Variants in ZNF83 observed in about 807,000 individuals in gnomAD.
ZNF83 encodes zinc finger protein 816B.
For missense variants in ZNF83, 552 were observed against 629.9 expected, an observed-to-expected ratio of 0.88 and a Z score of 1.32; for synonymous variants, 209 against 213.0, an observed-to-expected ratio of 0.98 and a Z score of 0.17.
At chr19:52,634,538 T>C (rs193230392) in intron 2 of ZNF83, among the ~76,000 whole-genome samples, 1 of 152,230 alleles carries the variant, frequency 6.6e-6, no homozygotes, top group East Asian at 1.9e-4. Flanking sequence ...TGCATGTCTG[T>C]GTATGAACTT....
chr19:52,653,275 G>A, intron 3 of ZNF83: 1 of 1,468,822 alleles, frequency 6.8e-7, no homozygotes. Flanking sequence ...TGCAAGGTGT[G>A]CTTTTTGATT....
chr19:52,682,539 T>C lies in ZNF83; in HGVS notation c.-283+7904A>G, dbSNP rs190027937. Among the ~76,000 whole-genome samples the C allele has an allele frequency of 2.3e-3, 347 of 152,050 alleles. 1 individual carries two copies. Among genetic ancestry groups the C allele is most frequent in the African/African-American group, 7.8e-3 (325 of 41,468 alleles). ...CACAAAAATTACCCAGGCATGGCAG[T>C]GCATACCTGTAGTCCCAGCTACTCA... is the stretch of plus-strand genomic sequence containing the variant. On this transcript the variant is annotated intron_variant, in intron 1 of 5. Transcript: ENST00000594682.
chr19:52,647,625 A>C (rs948750260), intron 3 of ZNF83, among the ~76,000 whole-genome samples: 9 of 148,308 alleles, frequency 6.1e-5, no homozygotes, highest in Non-Finnish European at 1.2e-4. Flanking sequence ...TTCTGTAAAT[A>C]TCTCTCATTC....
intron 3 of ZNF83, chr19:52,653,164 T>C: frequency 6.7e-7 from 1 of 1,490,508 alleles, no homozygotes; most frequent in South Asian, 1.1e-5. Flanking sequence ...TTCTCCGGTA[T>C]GAAGTCTACG....
chr19:52,655,695 T>C, intron 2 of ZNF83: 1 of 1,020,980 alleles, frequency 9.8e-7, no homozygotes, highest in South Asian at 1.3e-5. Flanking sequence ...TCCCTAAAAT[T>C]AAACACACAT....
At chr19:52,612,684 TCA>T (rs1470886426) in exon 3 of ZNF83, 4 of 279,802 alleles carry the variant, frequency 1.4e-5, no homozygotes, top group Admixed American at 4.7e-5. Context: ...TTTCCCACTC[TCA>T]GTGTTTTTGT....
chr19:52,667,131 T>C (rs1328305853), intron 1 of ZNF83, among the ~76,000 whole-genome samples: 2 of 151,534 alleles, frequency 1.3e-5, no homozygotes, highest in Non-Finnish European at 2.9e-5. Flanking sequence ...CATTGTAACA[T>C]GTATTATCCT....
At chr19:52,654,446 T>C (rs1278009146) in intron 3 of ZNF83, 6 of 768,834 alleles carry the variant, frequency 7.8e-6, no homozygotes, top group Non-Finnish European at 1.2e-5. Flanking sequence ...TAAGTACAGA[T>C]GGTAAATAAT....
At chr19:52,667,935 A>G (rs1208467335) in intron 1 of ZNF83, among the ~76,000 whole-genome samples, 1 of 152,200 alleles carries the variant, frequency 6.6e-6, no homozygotes, top group African/African-American at 2.4e-5. Context: ...ATAAAATGGT[A>G]TTTGGCTTTC....
At chr19:52,637,929 C>G (rs2061206874) in intron 1 of ZNF83, among the ~76,000 whole-genome samples, 1 of 152,176 alleles carries the variant, frequency 6.6e-6, no homozygotes, top group African/African-American at 2.4e-5. Context: ...AGTACGCGGC[C>G]TCCCTGGGAC....
chr19:52,628,876 CT>C (rs2060844148), intron 2 of ZNF83, among the ~76,000 whole-genome samples: 1 of 151,822 alleles, frequency 6.6e-6, no homozygotes, highest in Admixed American at 6.6e-5. Flanking sequence ...GCCCCAACCT[CT>C]TATATCTCTG....
In ZNF83 at chr19:52,620,642, AAT is replaced by A. The variant is rs550122581; in HGVS notation, c.-233-5847_-233-5846del. Among the ~76,000 whole-genome samples the A allele has an allele frequency of 5.9e-5, 9 of 152,328 alleles. No homozygotes were observed. In the South Asian group the frequency reaches 1.5e-3, roughly 25 times the overall value. ...CCAGCAGGATGAAATATCAGAGTAA[AAT>A]ATTTACTAAACACAAAGAAGAAAAC... On this transcript the variant is annotated intron_variant, in intron 2 of 2. Transcript: ENST00000301096.
At chr19:52,671,542 C>A (rs910465167) in intron 1 of ZNF83, among the ~76,000 whole-genome samples, 2 of 151,968 alleles carry the variant, frequency 1.3e-5, no homozygotes, top group Admixed American at 1.3e-4. Context: ...CTCTGGTGCT[C>A]AAGCAATCCT....
chr19:52,613,012 C>G (rs765927489), exon 3 of ZNF83: 6 of 1,581,662 alleles, frequency 3.8e-6, no homozygotes, highest in Non-Finnish European at 4.3e-6. Flanking sequence ...CACTCTGCCA[C>G]ATTAATTACA....
chr19:52,635,334 A>ACCCTTCTGGAGAAGCCCACACCG, intron 1 of ZNF83, 181 bp from the exon 2 acceptor site: 1 of 366,160 alleles, frequency 2.7e-6, no homozygotes. Context: ...AGCCCACACC[A>ACCCTTCTGGAGAAGCCCACACCG]CACCCTTCTG....
At chr19:52,680,708 G>A (rs894656287) in intron 1 of ZNF83, among the ~76,000 whole-genome samples, 1 of 140,032 alleles carries the variant, frequency 7.1e-6, no homozygotes, top group Non-Finnish European at 1.5e-5. Flanking sequence ...CGCCTCCCGG[G>A]TTCACGCCAT....
chr19:52,666,284 G>C (rs1568573189), intron 1 of ZNF83, among the ~76,000 whole-genome samples: 2 of 151,890 alleles, frequency 1.3e-5, no homozygotes, highest in African/African-American at 4.8e-5. Context: ...GAGAGAGAGA[G>C]AGTAGTAGTA....
At chr19:52,669,921 A>G (rs1163577370) in intron 1 of ZNF83, among the ~76,000 whole-genome samples, 27 of 152,236 alleles carry the variant, frequency 1.8e-4, no homozygotes, top group Admixed American at 1.8e-3. Flanking sequence ...AAGCCAAGAC[A>G]TGTTAAAGAA....
intron 2 of ZNF83, among the ~76,000 whole-genome samples, chr19:52,631,759 GC>G (rs1555784113): frequency 6.7e-6 from 1 of 148,670 alleles, no homozygotes; most frequent in East Asian, 2.0e-4. Flanking sequence ...TTTATTGATG[GC>G]GGTTCCACCA....
Sources: gnomAD v4.1 joint callset for allele counts (sites outside exome capture counted in the v4.1 genomes callset) on GRCh38, gnomAD v4.1.1 for gene constraint, MANE v1.5 for transcripts, NCBI Gene and HGNC (gene_info 2026-07-23, HGNC 2026-07-21) for gene names.